CENPP: variants seen among roughly 807,000 people sequenced by gnomAD.
CENPP encodes centromere protein P.
CENPP carries 24 observed loss-of-function variants against 35.6 expected under a neutral mutation model. That is an observed-to-expected ratio of 0.67 (90% CI 0.49 to 0.95). The LOEUF (loss-of-function observed/expected upper bound fraction) is 0.95. CENPP is among the 40% of genes least tolerant of loss of function. CENPP has a pLI of 0.00. For missense variants in CENPP, 332 were observed against 345.3 expected, an observed-to-expected ratio of 0.96 and a Z score of 0.31; for synonymous variants, 120 against 125.5, an observed-to-expected ratio of 0.96 and a Z score of 0.29.
Position 92,545,286 on chromosome 9 carries a change from G to A in CENPP, c.565-66028G>A, listed in dbSNP as rs183311685. 2.6e-4 allele frequency among the ~76,000 whole-genome samples: 40 copies of A among 152,262 alleles called. No homozygotes were observed. The East Asian group carries it at 7.0e-3, about 27-fold the overall frequency. ...GAGGTGTGGAGAGAGAGGTACGGGC[G>A]GGAACCAGGGCTGCGTGTGGCACTT... On this transcript the variant is annotated intron_variant, in intron 5 of 7. Coordinates refer to ENST00000375587, the MANE Select transcript of CENPP (RefSeq NM_001012267.3).
intron 5 of CENPP, among the ~76,000 whole-genome samples, chr9:92,471,201 T>TG (rs1845500912): frequency 7.3e-6 from 1 of 137,364 alleles, no homozygotes; most frequent in Admixed American, 7.1e-5. Context: ...TTTTCTTTCT[T>TG]TTTTTTTTTT....
At chr9:92,401,208 T>A in intron 5 of CENPP, 1 of 1,024,906 alleles carries the variant, frequency 9.8e-7, no homozygotes, top group Non-Finnish European at 1.5e-6. Context: ...TAAAAGTTTG[T>A]TACCTAGCTT....
rs1275495316 is a variant in CENPP, at chr9:92,332,225, G to T, written c.163G>T (p.Asp55Tyr). Residue 55 changes from aspartate to tyrosine, a missense_variant, in exon 2 of 8, where the codon GAT becomes TAT. Coordinates refer to ENST00000375587, the MANE Select transcript of CENPP (RefSeq NM_001012267.3). ...TTTGGAAGGATGGAAGTCTTCAAAA[G>T]ATCTGAAAAATCAGCTTGGACATTT... ...FNLEGWKSSK[D>Y]LKNQLGHLES... 1 of 1,612,374 alleles carries T rather than the reference G, an allele frequency of 6.2e-7. No homozygotes were observed. The highest frequency in any genetic ancestry group is 8.5e-7 in the Non-Finnish European group (1 of 1,179,426).
At chr9:92,359,791 T>A (rs1841694283) in intron 4 of CENPP, among the ~76,000 whole-genome samples, 1 of 135,518 alleles carries the variant, frequency 7.4e-6, no homozygotes, top group South Asian at 2.2e-4. Context: ...GACAGGGTCC[T>A]TTTTTTTTTT....
intron 5 of CENPP, chr9:92,415,369 A>G (rs905388975): frequency 6.2e-7 from 1 of 1,613,522 alleles, no homozygotes; most frequent in Admixed American, 1.7e-5. Context: ...GCAGAAGAAG[A>G]TGTATGAGCT....
chr9:92,402,371 T>G (rs1432162963), intron 5 of CENPP, among the ~76,000 whole-genome samples: 1 of 152,248 alleles, frequency 6.6e-6, no homozygotes, highest in Non-Finnish European at 1.5e-5. Context: ...CTGGTCAATC[T>G]TATAAGTCTT....
intron 5 of CENPP, among the ~76,000 whole-genome samples, chr9:92,399,032 G>A (rs1417609552): frequency 6.6e-6 from 1 of 151,222 alleles, no homozygotes; most frequent in Non-Finnish European, 1.5e-5. Flanking sequence ...CTGCACACCA[G>A]TCTGAGAGCG....
intron 5 of CENPP, chr9:92,495,959 A>G: frequency 1.0e-6 from 1 of 987,970 alleles, no homozygotes; most frequent in Non-Finnish European, 1.2e-6. Context: ...ATAATTTTTA[A>G]AGGGACTTAC....
intron 5 of CENPP, among the ~76,000 whole-genome samples, chr9:92,459,189 A>T (rs72754404): frequency 0.031 from 4,759 of 152,294 alleles, 113 homozygotes; most frequent in South Asian, 0.084. Context: ...TTTAAAAAAA[A>T]ATATACATGT....
intron 5 of CENPP, chr9:92,515,258 G>A: frequency 7.1e-7 from 1 of 1,403,384 alleles, no homozygotes; most frequent in Non-Finnish European, 9.3e-7. Context: ...ATTAATAAAA[G>A]AAAAAACCAT....
intron 4 of CENPP, among the ~76,000 whole-genome samples, chr9:92,346,382 A>G (rs1176636588): frequency 6.6e-6 from 1 of 152,212 alleles, no homozygotes; most frequent in Non-Finnish European, 1.5e-5. Flanking sequence ...GTGAACTAAC[A>G]AAGAGGGAAT....
At chr9:92,365,860 T>G (rs1233185977) in intron 4 of CENPP, among the ~76,000 whole-genome samples, 1 of 151,904 alleles carries the variant, frequency 6.6e-6, no homozygotes, top group Non-Finnish European at 1.5e-5. Flanking sequence ...TGGAGTTATC[T>G]GCAAAATGAA....
chr9:92,567,382 A>ATATATATC (rs1850011097), intron 5 of CENPP, among the ~76,000 whole-genome samples: 1 of 94,526 alleles, frequency 1.1e-5, no homozygotes, highest in East Asian at 2.2e-4. Context: ...AGATATATAT[A>ATATATATC]TATATATATA....
At chr9:92,581,787 T>G (rs1041661329) in intron 5 of CENPP, among the ~76,000 whole-genome samples, 4 of 152,150 alleles carry the variant, frequency 2.6e-5, no homozygotes, top group Admixed American at 1.3e-4. Flanking sequence ...TGTCAAACAG[T>G]GACTGTATAA....
chr9:92,348,116 T>C (rs10116550), intron 4 of CENPP, among the ~76,000 whole-genome samples: 2 of 136,336 alleles, frequency 1.5e-5, no homozygotes, highest in African/African-American at 5.3e-5. Context: ...TTCTTTCTTT[T>C]TTTTTTTTTT....
chr9:92,496,572 G>A (rs1291073633), intron 5 of CENPP: 3 of 1,511,908 alleles, frequency 2.0e-6, no homozygotes, highest in Admixed American at 4.8e-5. Flanking sequence ...AAAAAATTTT[G>A]TTCTTAAAAT....
At chr9:92,448,418 C>T (rs1286191519) in intron 5 of CENPP, among the ~76,000 whole-genome samples, 1 of 151,942 alleles carries the variant, frequency 6.6e-6, no homozygotes, top group Non-Finnish European at 1.5e-5. Context: ...TACAGGTGCC[C>T]ACCACTATGC....
intron 5 of CENPP, chr9:92,539,110 C>T (rs1303851870): frequency 1.3e-5 from 2 of 152,198 alleles, no homozygotes; most frequent in African/African-American, 4.8e-5. Flanking sequence ...CCCCTGCCCA[C>T]GCACTGAATA....
At chr9:92,386,462 GT>G (rs1323041707) in intron 5 of CENPP, among the ~76,000 whole-genome samples, 2 of 151,718 alleles carry the variant, frequency 1.3e-5, no homozygotes, top group African/African-American at 4.8e-5. Context: ...TCTTGTTTGG[GT>G]TTTTTTTCTG....
Sources: allele counts gnomAD v4.1 joint callset (sites outside exome capture counted in the v4.1 genomes callset), GRCh38; gene constraint gnomAD v4.1.1; transcripts MANE v1.5; gene names NCBI Gene and HGNC (gene_info 2026-07-23, HGNC 2026-07-21).